The following BOLL variants were observed in gnomAD, a reference collection of about 807,000 sequenced individuals.
The protein encoded by BOLL is boule RNA binding protein, also known as protein boule-like.
A neutral mutation model predicts 44.4 loss-of-function variants in BOLL; 23 were observed. That is an observed-to-expected ratio of 0.52 (90% confidence interval 0.37 to 0.73). BOLL has a LOEUF of 0.73. Ranked by LOEUF, BOLL falls within the 30% of genes least tolerant of loss-of-function variation. The probability of loss-of-function intolerance (pLI) is 0.00; values close to 1 mark genes in which losing one functional copy is unlikely to be tolerated. For missense variants in BOLL, 287 were observed against 338.3 expected, an observed-to-expected ratio of 0.85 and a Z score of 1.19; for synonymous variants, 97 against 110.8, an observed-to-expected ratio of 0.88 and a Z score of 0.78.
At chr2:197,739,620 T>C (rs781300480) in intron 10 of BOLL, among the ~76,000 whole-genome samples, 114 of 152,232 alleles carry the variant, frequency 7.5e-4, no homozygotes, top group Non-Finnish European at 1.1e-3. Context: ...CCACCACAGT[T>C]GGCCAGAATT....
Position 197,759,145 on chromosome 2 carries a change from C to G in BOLL, c.553-1745G>C, listed in dbSNP as rs1574841067. Reference sequence around the variant, plus strand: ...AACAGCTACAATTTGACAGGAGCATCAAAAGGAGAGTGCTGGAGTGCCGCA... The same window carrying G: ...AACAGCTACAATTTGACAGGAGCATGAAAAGGAGAGTGCTGGAGTGCCGCA... On this transcript the variant is annotated intron_variant, in intron 7 of 10. Coordinates refer to ENST00000392296, the MANE Select transcript of BOLL (RefSeq NM_033030.6). The G allele has an allele frequency of 4.8e-5, 34 of 710,498 alleles. No homozygotes were observed. The East Asian group carries it at 8.9e-4, about 19-fold the overall frequency. 44.0% of individuals were successfully genotyped at this position (710,498 alleles called of 1,614,324 possible). A position where few individuals can be genotyped will look rare whatever the true frequency, so the allele number is the denominator to read the frequency against.
rs1057232518 is a variant in BOLL at position 197,733,593 on chromosome 2, G to T, written c.829-5015C>A. 6.0e-3 allele frequency among the ~76,000 whole-genome samples: 918 copies of T among 152,190 alleles called. 16 individuals are homozygous for T. The highest frequency in any genetic ancestry group is 0.021 in the African/African-American group (858 of 41,506). ...AAGGCTACAGTAACCAAAACAGCAT[G>T]GTACTGGTACCAAAACAGAGATAGA... On this transcript the variant is annotated intron_variant, in intron 10 of 10. Coordinates refer to ENST00000392296, the MANE Select transcript of BOLL (RefSeq NM_033030.6).
chr2:197,748,479 A>G (rs1037269966), intron 9 of BOLL, among the ~76,000 whole-genome samples: 29 of 152,346 alleles, frequency 1.9e-4, no homozygotes, highest in Admixed American at 7.8e-4. Context: ...GCTAAGACCC[A>G]CTGGCTTGAA....
At position 197,756,452 on chromosome 2, in the gene BOLL, A is replaced by G. The variant is rs1373964964; in HGVS notation, c.705T>C (p.Ser235=). 2 of 1,610,984 alleles carry G rather than the reference A, an allele frequency of 1.2e-6. No homozygotes were observed. Among genetic ancestry groups the G allele is most frequent in the Admixed American group, 1.7e-5 (1 of 59,806 alleles). ...CCTCTGGAACTGAAGTTTCCATCAG[A>G]GACAGTGGAGGAGGAACACATCCAC... ...QDGGCVPPPL[S]LMETSVPEPY... Residue 235 remains serine (S), a synonymous_variant, in exon 9 of 11, where the codon TCT becomes TCC. Coordinates refer to ENST00000392296, the MANE Select transcript of BOLL (RefSeq NM_033030.6).
chr2:197,770,879 A>T (rs1268133445), intron 6 of BOLL, among the ~76,000 whole-genome samples: 9 of 151,774 alleles, frequency 5.9e-5, no homozygotes, highest in Non-Finnish European at 1.5e-5. Context: ...GAGAAATAGG[A>T]GCACTTTTAC....
chr2:197,761,965 G>C (rs1347553854), intron 7 of BOLL, among the ~76,000 whole-genome samples: 1 of 152,160 alleles, frequency 6.6e-6, no homozygotes, highest in African/African-American at 2.4e-5. Context: ...AGTCTTATTT[G>C]ATCTAAAGAG....
At chr2:197,766,464 AT>A in intron 7 of BOLL, 67 bp downstream of exon 7, 1 of 1,298,328 alleles carries the variant, frequency 7.7e-7, no homozygotes. Context: ...TGAGAAAGAA[AT>A]AAATGAAAGT....
At chr2:197,770,487 T>C (rs1689194258) in intron 6 of BOLL, among the ~76,000 whole-genome samples, 1 of 152,070 alleles carries the variant, frequency 6.6e-6, no homozygotes, top group Non-Finnish European at 1.5e-5. Context: ...AAATCCAAAA[T>C]TGACAAATGG....
At chr2:197,773,386 T>A (rs1399072398) in intron 5 of BOLL, among the ~76,000 whole-genome samples, 1 of 151,872 alleles carries the variant, frequency 6.6e-6, no homozygotes, top group Non-Finnish European at 1.5e-5. Context: ...ATAAAAAAAT[T>A]AGACATGAGA....
At chr2:197,769,202 T>G (rs1689125066) in intron 6 of BOLL, among the ~76,000 whole-genome samples, 1 of 152,142 alleles carries the variant, frequency 6.6e-6, no homozygotes, top group African/African-American at 2.4e-5. Flanking sequence ...GATTCTCTCT[T>G]TATCTATTGA....
chr2:197,743,684 T>C (rs1687863342), intron 9 of BOLL, among the ~76,000 whole-genome samples: 1 of 152,178 alleles, frequency 6.6e-6, no homozygotes, highest in African/African-American at 2.4e-5. Context: ...AATTTTCCCA[T>C]TGTCATGTTA....
In BOLL at chr2:197,756,587, ATATGATTAGTTAT is replaced by A. The variant is rs750817846; in HGVS notation, c.601-44_601-32del. On this transcript the variant is annotated intron_variant, in intron 8 of 10. Coordinates refer to ENST00000392296, the MANE Select transcript of BOLL (RefSeq NM_033030.6). Reference sequence around the variant, plus strand: ...ATACAAAACCATATTTCTAATTCAAATATGATTAGTTATTTCTGTTAAACCAAATGACTTAGCC... The same window carrying A: ...ATACAAAACCATATTTCTAATTCAAATTCTGTTAAACCAAATGACTTAGCC... 1.9e-6 allele frequency: 3 copies of A among 1,556,326 alleles called. No individual in the cohort carries two copies. In the African/African-American group the frequency reaches 4.1e-5, roughly 21 times the overall value.
chr2:197,778,769 A>G (rs1220885992), intron 3 of BOLL, among the ~76,000 whole-genome samples: 3 of 151,358 alleles, frequency 2.0e-5, no homozygotes, highest in African/African-American at 7.3e-5. Context: ...CTTCTCAACA[A>G]ATTAAGAAAT....
rs1424108657 is a variant in BOLL, at chr2:197,779,029, T to C, written c.167A>G (p.Tyr56Cys). 1.2e-6 allele frequency: 2 copies of C among 1,611,298 alleles called. No individual in the cohort carries two copies. Among genetic ancestry groups the C allele is most frequent in the Non-Finnish European group, 1.7e-6 (2 of 1,178,448 alleles). Residue 56 changes from tyrosine (Y) to cysteine (C), a missense_variant, in exon 3 of 11, where the codon TAT (tyrosine) becomes TGT (cysteine). Transcript: ENST00000392296. Reference protein sequence around the residue: ...ESDLRKFFSQYGSVKEVKIVN... With the variant: ...ESDLRKFFSQCGSVKEVKIVN... ...AATCTTCACTTCTTTCACAGACCCA[T>C]ACTGGGAAAAAAATTTTCTTAAATC...
At chr2:197,734,904 T>G (rs1687410653) in intron 10 of BOLL, among the ~76,000 whole-genome samples, 1 of 152,108 alleles carries the variant, frequency 6.6e-6, no homozygotes, top group Non-Finnish European at 1.5e-5. Flanking sequence ...CGTATACATA[T>G]GTAATGAATC....
intron 10 of BOLL, among the ~76,000 whole-genome samples, 195 bp downstream of exon 10, chr2:197,742,866 A>C (rs935488583): frequency 5.3e-5 from 8 of 152,122 alleles, no homozygotes; most frequent in Non-Finnish European, 1.0e-4. Context: ...TAAGTTGCAT[A>C]TATTACCACA....
Position 197,743,131 on chromosome 2 carries a change from G to A in BOLL, c.758C>T (p.Thr253Ile). The A allele has an allele frequency of 6.2e-7, 1 of 1,604,162 alleles. No homozygotes were observed. Among genetic ancestry groups the A allele is most frequent in the Non-Finnish European group, 8.5e-7 (1 of 1,175,284 alleles). Residue 253 changes from threonine (T) to isoleucine (I), a missense_variant, in exon 10 of 11, where the codon ACA becomes ATA. By Grantham distance (89) the Thr-to-Ile change is moderately conservative. Coordinates refer to ENST00000392296, the MANE Select transcript of BOLL (RefSeq NM_033030.6). ...EPYSDHGVQA[T>I]YHQVYAPSAI... is the part of the protein sequence containing the mutation. ...ACTTGGAGCATAAACCTGGTGATAT[G>A]TTGCTTGAACTCCATGATCAGAATA...
chr2:197,761,224 T>C (rs559959799), intron 7 of BOLL, among the ~76,000 whole-genome samples: 1 of 152,118 alleles, frequency 6.6e-6, no homozygotes, highest in Admixed American at 6.5e-5. Context: ...GTGGGAGGGA[T>C]TACTTGAGCT....
At chr2:197,786,086 T>G, upstream of BOLL, 2 of 1,536,344 alleles carry the variant, frequency 1.3e-6, no homozygotes, top group South Asian at 2.5e-5. The surrounding 1 kb of genome is among the most constrained non-coding windows in gnomAD (Gnocchi z 5.9). Flanking sequence ...GCAGCAGCGC[T>G]GCTTGTCCTG....
Sources: gnomAD v4.1 joint callset for allele counts (sites outside exome capture counted in the v4.1 genomes callset) on GRCh38, gnomAD v4.1.1 for gene constraint, Gnocchi (gnomAD v3.1) non-coding constraint, MANE v1.5 for transcripts, NCBI Gene and HGNC (gene_info 2026-07-23, HGNC 2026-07-21) for gene names.